The following PCSK2 variants were observed in gnomAD, a reference collection of about 807,000 sequenced individuals.
PCSK2 encodes the protein proprotein convertase subtilisin/kexin type 2.
A neutral mutation model predicts 69.7 loss-of-function variants in PCSK2; 14 were observed. The observed-to-expected ratio is 0.20, with a 90% CI of 0.13 to 0.31. The LOEUF (loss-of-function observed/expected upper bound fraction) is 0.31. PCSK2 is among the 10% of genes least tolerant of loss of function. PCSK2 has a pLI of 1.00. For missense variants in PCSK2, 544 were observed against 842.5 expected (o/e 0.65, Z 4.39); for synonymous variants, 307 against 320.7 (o/e 0.96, Z 0.46).
At chr20:17,466,300 T>G (rs2033100063) in intron 11 of PCSK2, among the ~76,000 whole-genome samples, 1 of 152,240 alleles carries the variant, frequency 6.6e-6, no homozygotes, top group Non-Finnish European at 1.5e-5. Context: ...ATGTCCTGTT[T>G]TACAACTAGA....
chr20:17,424,030 T>A (rs2032190526), intron 6 of PCSK2, among the ~76,000 whole-genome samples: 1 of 152,230 alleles, frequency 6.6e-6, no homozygotes, highest in African/African-American at 2.4e-5. Context: ...ATAACCTGTT[T>A]TAAATCCTAC....
chr20:17,446,515 G>A (rs1392309408), intron 8 of PCSK2, among the ~76,000 whole-genome samples: 1 of 152,126 alleles, frequency 6.6e-6, no homozygotes, highest in African/African-American at 2.4e-5. Context: ...CCTGGTCATG[G>A]GCTCAGACCG....
chr20:17,406,529 A>G (rs112103812), intron 5 of PCSK2, among the ~76,000 whole-genome samples: 3,022 of 152,282 alleles, frequency 0.02, 54 homozygotes, highest in African/African-American at 0.041. Context: ...TTGTTATAAA[A>G]GTGGTTGCAG....
intron 2 of PCSK2, among the ~76,000 whole-genome samples, chr20:17,336,163 A>G (rs754948834): frequency 6.6e-6 from 1 of 152,204 alleles, no homozygotes; most frequent in Non-Finnish European, 1.5e-5. Context: ...ATATATAATC[A>G]TTGTAAAGTA....
chr20:17,253,238 T>A (rs780756963), intron 1 of PCSK2, among the ~76,000 whole-genome samples: 1 of 152,210 alleles, frequency 6.6e-6, no homozygotes, highest in African/African-American at 2.4e-5. Context: ...AAATTTATCC[T>A]CTAAAAATTT....
At chr20:17,452,577 C>T (rs1257887169) in intron 8 of PCSK2, among the ~76,000 whole-genome samples, 1 of 152,204 alleles carries the variant, frequency 6.6e-6, no homozygotes, top group Non-Finnish European at 1.5e-5. Flanking sequence ...CACCTGGTGA[C>T]CACACAGGGA....
intron 2 of PCSK2, among the ~76,000 whole-genome samples, chr20:17,264,981 A>G (rs1432557284): frequency 3.3e-5 from 5 of 152,068 alleles, no homozygotes; most frequent in Admixed American, 2.6e-4. Flanking sequence ...CTTGTGCCTC[A>G]GCCTCCTGAG....
At chr20:17,331,075 A>G (rs1404421721) in intron 2 of PCSK2, among the ~76,000 whole-genome samples, 6 of 152,132 alleles carry the variant, frequency 3.9e-5, no homozygotes, top group Non-Finnish European at 8.8e-5. Context: ...AATCAGTCAT[A>G]GGAGATGGGG....
At chr20:17,309,710 C>T (rs1006456608) in intron 2 of PCSK2, among the ~76,000 whole-genome samples, 3 of 151,854 alleles carry the variant, frequency 2.0e-5, no homozygotes, top group African/African-American at 4.8e-5. Flanking sequence ...CCCTGCTACT[C>T]GGGAGGATGA....
At chr20:17,433,813 C>CTCTCTCTCTCTCCCT (rs59651477) in intron 7 of PCSK2, among the ~76,000 whole-genome samples, 1 of 98,650 alleles carries the variant, frequency 1.0e-5, no homozygotes, top group South Asian at 3.9e-4. Context: ...CTCTCTCTCT[C>CTCTCTCTCTCTCCCT]CCCCCACTTC....
At chr20:17,265,969 A>G (rs1883530) in intron 2 of PCSK2, among the ~76,000 whole-genome samples, 78,407 of 152,100 alleles carry the variant, frequency 0.52, 20,369 homozygotes, top group East Asian at 0.66. Flanking sequence ...TCTGATTTAA[A>G]TAAAAAACTA....
chr20:17,359,607 T>TG (rs1281434797), intron 3 of PCSK2, among the ~76,000 whole-genome samples: 1 of 152,190 alleles, frequency 6.6e-6, no homozygotes, highest in African/African-American at 2.4e-5. Flanking sequence ...CACATGTCAT[T>TG]GGCCAAAATC....
chr20:17,335,238 T>C (rs1990313544), intron 2 of PCSK2, among the ~76,000 whole-genome samples: 1 of 152,054 alleles, frequency 6.6e-6, no homozygotes, highest in Non-Finnish European at 1.5e-5. Context: ...GTCCAAGATG[T>C]CCCATCACAT....
intron 6 of PCSK2, among the ~76,000 whole-genome samples, chr20:17,414,233 G>A (rs1381597134): frequency 2.0e-5 from 3 of 151,806 alleles, no homozygotes; most frequent in Non-Finnish European, 2.9e-5. Context: ...AAAAAAAATC[G>A]ATGAATCCAG....
intron 2 of PCSK2, among the ~76,000 whole-genome samples, chr20:17,294,588 A>G (rs982290908): frequency 4.6e-5 from 7 of 152,216 alleles, no homozygotes; most frequent in Admixed American, 4.6e-4. Flanking sequence ...TCTGTAAAAT[A>G]TATCACATGT....
upstream of PCSK2, among the ~76,000 whole-genome samples, chr20:17,226,669 T>G (rs1029011368): frequency 9.9e-5 from 15 of 151,618 alleles, no homozygotes; most frequent in Admixed American, 3.3e-4. Context: ...GCCTACAGAT[T>G]CCCACAAACA....
chr20:17,479,365 T>G, intron 11 of PCSK2: 1 of 702,954 alleles, frequency 1.4e-6, no homozygotes, highest in Non-Finnish European at 2.6e-6. Flanking sequence ...GCACATTCTT[T>G]GACAATATTG....
At chr20:17,246,064 G>C (rs4572662) in intron 1 of PCSK2, among the ~76,000 whole-genome samples, 6,121 of 152,178 alleles carry the variant, frequency 0.04, 409 homozygotes, top group African/African-American at 0.14. Context: ...TACTCAGCAG[G>C]TATCTATGAC....
intron 2 of PCSK2, among the ~76,000 whole-genome samples, chr20:17,309,187 G>A (rs1050764015): frequency 6.6e-6 from 1 of 152,162 alleles, no homozygotes; most frequent in African/African-American, 2.4e-5. Flanking sequence ...GAAGAGAAGT[G>A]AGTCAATGAA....
Sources: allele counts gnomAD v4.1 joint callset (sites outside exome capture counted in the v4.1 genomes callset), GRCh38; gene constraint gnomAD v4.1.1; transcripts MANE v1.5; gene names NCBI Gene and HGNC (gene_info 2026-07-23, HGNC 2026-07-21).